ENPP3: variants seen among roughly 807,000 people sequenced by gnomAD.
The protein encoded by ENPP3 is ectonucleotide pyrophosphatase/phosphodiesterase 3.
A neutral mutation model predicts 117.8 loss-of-function variants in ENPP3; 104 were observed. That is an observed-to-expected ratio of 0.88 (90% CI 0.75 to 1.04). The LOEUF (loss-of-function observed/expected upper bound fraction) is 1.04, where lower values mean the gene tolerates loss of function less well. ENPP3 is among the 50% of genes least tolerant of loss of function. ENPP3 has a pLI of 0.00. For missense variants in ENPP3, 1,026 were observed against 1,051.9 expected, an observed-to-expected ratio of 0.98 and a Z score of 0.34; for synonymous variants, 380 against 349.9, an observed-to-expected ratio of 1.09 and a Z score of -0.96.
chr6:131,660,670 A>G (rs1419753336), intron 6 of ENPP3, among the ~76,000 whole-genome samples: 2 of 152,170 alleles, frequency 1.3e-5, no homozygotes, highest in Non-Finnish European at 2.9e-5. Context: ...GCATTCATGA[A>G]CAGCAGAGCT....
chr6:131,662,554 C>A (rs1025970000), intron 6 of ENPP3, among the ~76,000 whole-genome samples: 5 of 152,150 alleles, frequency 3.3e-5, no homozygotes, highest in African/African-American at 9.7e-5. Flanking sequence ...TATTCTTTTT[C>A]ATTGGTCTAT....
At chr6:131,738,616 C>A (rs1780454942) in intron 23 of ENPP3, among the ~76,000 whole-genome samples, 1 of 149,122 alleles carries the variant, frequency 6.7e-6, no homozygotes, top group Non-Finnish European at 1.5e-5. Flanking sequence ...AAGCACTTCC[C>A]AGGAGACAAT....
intron 15 of ENPP3, among the ~76,000 whole-genome samples, chr6:131,701,884 G>GAAAAAA (rs1170025527): frequency 3.9e-4 from 38 of 96,728 alleles, no homozygotes; most frequent in South Asian, 6.2e-4. Flanking sequence ...TCTGTCTCCA[G>GAAAAAA]AAAAAAAAAA....
At chr6:131,667,314 C>G (rs553515727) in intron 6 of ENPP3, among the ~76,000 whole-genome samples, 1 of 152,232 alleles carries the variant, frequency 6.6e-6, no homozygotes, top group Admixed American at 6.5e-5. Context: ...GTCCTTTGGG[C>G]AGTCCCTGGT....
intron 5 of ENPP3, among the ~76,000 whole-genome samples, chr6:131,655,455 G>A (rs1057191241): frequency 1.3e-5 from 2 of 152,138 alleles, no homozygotes. Context: ...AGCAAACCCA[G>A]GCAGTAAGGA....
chr6:131,653,125 G>A (rs1163988353), intron 5 of ENPP3, among the ~76,000 whole-genome samples: 8 of 151,844 alleles, frequency 5.3e-5, no homozygotes, highest in Admixed American at 5.3e-4. Flanking sequence ...TTACAACGAC[G>A]ACTTTATTTT....
At chr6:131,696,095 A>G (rs1226633891) in intron 15 of ENPP3, among the ~76,000 whole-genome samples, 5 of 152,224 alleles carry the variant, frequency 3.3e-5, no homozygotes, top group Non-Finnish European at 2.9e-5. Flanking sequence ...AACAGTTTGT[A>G]TAATCCATTT....
At position 131,671,344 on chromosome 6, in the gene ENPP3, G is replaced by A. The variant is rs747977176; in HGVS notation, c.642+17G>A. ...ATTGTCACGGTAAGTGCTTGACCCAGTGGTAAGACAGGCCAAAGACCAGAA... is the reference window on the plus strand; with the variant it reads ...ATTGTCACGGTAAGTGCTTGACCCAATGGTAAGACAGGCCAAAGACCAGAA... On this transcript the variant is annotated intron_variant, in intron 7 of 24. Coordinates refer to ENST00000357639, the MANE Select transcript of ENPP3 (RefSeq NM_005021.5). 1.3e-6 allele frequency: 2 copies of A among 1,513,720 alleles called. No individual in the cohort carries two copies. The highest frequency in any genetic ancestry group is 2.3e-5 in the South Asian group (2 of 88,246). 93.8% of individuals were successfully genotyped at this position (1,513,720 alleles called of 1,614,324 possible).
At chr6:131,719,926 A>G (rs1779978348) in intron 16 of ENPP3, among the ~76,000 whole-genome samples, 3 of 152,244 alleles carry the variant, frequency 2.0e-5, no homozygotes, top group African/African-American at 4.8e-5. Context: ...ATGATATGAA[A>G]CAATATGAAA....
rs73552621 is a variant in ENPP3, at chr6:131,659,925, C to G, written c.562+1505C>G. 5.7e-3 allele frequency among the ~76,000 whole-genome samples: 869 copies of G among 152,256 alleles called. 7 individuals carry two copies. The highest frequency in any genetic ancestry group is 0.02 in the African/African-American group (843 of 41,546). ...AGTGAAATTCCTCGATTTGCTCATT[C>G]CATTGAGAATTAGAAATGACATCAA... On this transcript the variant is annotated intron_variant, in intron 6 of 24. Transcript: ENST00000357639.
chr6:131,641,585 C>T (rs1158676710), intron 2 of ENPP3, 55 bp downstream of exon 2: 1 of 1,136,860 alleles, frequency 8.8e-7, no homozygotes, highest in Non-Finnish European at 1.3e-6. Context: ...CTCTTCTGGC[C>T]TTAATTCATT....
chr6:131,679,293 C>A (rs1175549566), intron 11 of ENPP3, among the ~76,000 whole-genome samples: 1 of 151,774 alleles, frequency 6.6e-6, no homozygotes, highest in Admixed American at 6.6e-5. Flanking sequence ...CAGGGTTTCA[C>A]CATTTTGGCC....
chr6:131,708,223 TA>T (rs1779682626), intron 15 of ENPP3, among the ~76,000 whole-genome samples: 1 of 136,018 alleles, frequency 7.4e-6, no homozygotes, highest in Non-Finnish European at 1.5e-5. Flanking sequence ...GAAAATTTAT[TA>T]AATTAAGCAT....
At chr6:131,690,183 AGGATT>A (rs1779245641) in intron 14 of ENPP3, among the ~76,000 whole-genome samples, 1 of 152,232 alleles carries the variant, frequency 6.6e-6, no homozygotes, top group East Asian at 1.9e-4. Context: ...AGGACTTGAG[AGGATT>A]GACTCTAATT....
At chr6:131,664,715 T>A (rs1778579806) in intron 6 of ENPP3, among the ~76,000 whole-genome samples, 1 of 152,188 alleles carries the variant, frequency 6.6e-6, no homozygotes, top group South Asian at 2.1e-4. Flanking sequence ...AAATATACAA[T>A]TACCACTGTG....
chr6:131,644,788 G>A (rs560386788), intron 2 of ENPP3, among the ~76,000 whole-genome samples: 1 of 152,158 alleles, frequency 6.6e-6, no homozygotes, highest in Non-Finnish European at 1.5e-5. Flanking sequence ...CCATGAGACT[G>A]GGGTAGAACA....
At chr6:131,708,497 TA>T (rs1461839787) in intron 15 of ENPP3, among the ~76,000 whole-genome samples, 2 of 152,262 alleles carry the variant, frequency 1.3e-5, no homozygotes, top group African/African-American at 4.8e-5. Flanking sequence ...ATTATTCCAT[TA>T]AACTTCAATT....
intron 6 of ENPP3, among the ~76,000 whole-genome samples, chr6:131,661,492 A>G (rs934922561): frequency 2.6e-5 from 4 of 151,718 alleles, no homozygotes; most frequent in African/African-American, 9.7e-5. Flanking sequence ...AGGTCTTGCT[A>G]TGTTGCCCAG....
chr6:131,738,127 A>T lies in ENPP3; in HGVS notation c.2264A>T (p.Tyr755Phe), dbSNP rs766234909. 6.2e-7 allele frequency: 1 copy of T among 1,610,822 alleles called. No individual in the cohort carries two copies. The highest frequency in any genetic ancestry group is 1.3e-5 in the African/African-American group (1 of 74,952). The change falls in exon 23 of 25, where the codon TAT (tyrosine) becomes TTT (phenylalanine). Residue 755 changes from tyrosine (Y) to phenylalanine (F), a missense_variant. Physicochemically the swap from Tyr to Phe is conservative, Grantham distance 22. Coordinates refer to ENST00000357639, the MANE Select transcript of ENPP3 (RefSeq NM_005021.5). ...VVSGPIFDYN[Y>F]DGHFDAPDEI... is the part of the protein sequence containing the mutation. ...AGTGGACCAATATTTGATTATAATTATGATGGCCATTTTGATGCTCCAGAT... is the reference window on the plus strand; with the variant it reads ...AGTGGACCAATATTTGATTATAATTTTGATGGCCATTTTGATGCTCCAGAT...
Sources: allele counts gnomAD v4.1 joint callset (sites outside exome capture counted in the v4.1 genomes callset), GRCh38; gene constraint gnomAD v4.1.1; transcripts MANE v1.5; gene names NCBI Gene and HGNC (gene_info 2026-07-23, HGNC 2026-07-21).